Variants in CPAP observed in about 807,000 individuals in gnomAD.
The protein encoded by CPAP is centrosomal P4.1-associated protein.
At chr13:24,906,518 G>A in the CPAP span, 1 of 1,614,120 alleles carries the variant, frequency 6.2e-7, no homozygotes, top group South Asian at 1.1e-5. Context: ...GCAAGGTTTT[G>A]GACACTCAGT....
chr13:24,895,359 AG>A, the CPAP span, among the ~76,000 whole-genome samples: 2 of 152,148 alleles, frequency 1.3e-5, no homozygotes, highest in African/African-American at 4.8e-5. Flanking sequence ...GCGGATCACA[AG>A]GTCAGGAGAT....
the CPAP span, among the ~76,000 whole-genome samples, chr13:24,926,642 C>T: frequency 2.0e-5 from 3 of 152,092 alleles, no homozygotes; most frequent in Non-Finnish European, 4.4e-5. Flanking sequence ...ACAGAGGAGA[C>T]AGAGTTTCCC....
At chr13:24,912,487 G>T in the CPAP span, 1 of 1,074,910 alleles carries the variant, frequency 9.3e-7, no homozygotes, top group Non-Finnish European at 1.4e-6. Context: ...TCAGAGTGAA[G>T]GGGAAAAAAC....
the CPAP span, among the ~76,000 whole-genome samples, chr13:24,915,068 C>T: frequency 6.6e-6 from 1 of 151,314 alleles, no homozygotes; most frequent in Non-Finnish European, 1.5e-5. Flanking sequence ...GAGTGAGACT[C>T]TCTCTCAAAA....
At chr13:24,928,677 ACCTCGGC>A in the CPAP span, among the ~76,000 whole-genome samples, 1 of 152,100 alleles carries the variant, frequency 6.6e-6, no homozygotes, top group Admixed American at 6.5e-5. Context: ...TGATCTGCCC[ACCTCGGC>A]CTCCCAAAGT....
chr13:24,897,450 C>T, the CPAP span, among the ~76,000 whole-genome samples: 1 of 152,162 alleles, frequency 6.6e-6, no homozygotes, highest in African/African-American at 2.4e-5. Flanking sequence ...ACAGCAGGTA[C>T]TCAGTAGCCA....
At chr13:24,913,063 A>C in the CPAP span, 133 of 1,565,080 alleles carry the variant, frequency 8.5e-5, no homozygotes, top group Non-Finnish European at 1.0e-4. Flanking sequence ...AACAATGCAA[A>C]GGCTAGAAGA....
At chr13:24,932,490 C>T in the CPAP span, among the ~76,000 whole-genome samples, 1 of 152,102 alleles carries the variant, frequency 6.6e-6, no homozygotes, top group Non-Finnish European at 1.5e-5. Context: ...CCAAAAACAC[C>T]CAAATGCAGA....
chr13:24,924,945 C>T, the CPAP span: 1 of 152,206 alleles, frequency 6.6e-6, no homozygotes, highest in South Asian at 2.1e-4. Context: ...AAAAGAAAGA[C>T]TATGTATGAA....
chr13:24,893,874 G>C, the CPAP span, among the ~76,000 whole-genome samples: 1 of 152,168 alleles, frequency 6.6e-6, no homozygotes, highest in Non-Finnish European at 1.5e-5. Context: ...TAAGAACAAA[G>C]CTCCATCTCA....
At chr13:24,926,185 TG>T in the CPAP span, among the ~76,000 whole-genome samples, 1 of 152,200 alleles carries the variant, frequency 6.6e-6, no homozygotes, top group African/African-American at 2.4e-5. Flanking sequence ...GTGAAGAGAC[TG>T]TGCGGGAAGT....
the CPAP span, chr13:24,925,765 G>A: frequency 6.5e-6 from 1 of 152,690 alleles, no homozygotes; most frequent in African/African-American, 2.4e-5. Flanking sequence ...GAAGGCAGCT[G>A]TTTTCTGACC....
At chr13:24,910,334 G>A in the CPAP span, among the ~76,000 whole-genome samples, 3 of 152,090 alleles carry the variant, frequency 2.0e-5, no homozygotes, top group Admixed American at 6.5e-5. Context: ...AGTGATTCTC[G>A]TGCCTCAGCC....
chr13:24,933,653 T>C, the CPAP span: 1 of 152,682 alleles, frequency 6.5e-6, no homozygotes, highest in African/African-American at 2.4e-5. Context: ...GAATTGAACT[T>C]GTAGGCCTGG....
chr13:24,906,661 C>G, the CPAP span: 2 of 1,614,246 alleles, frequency 1.2e-6, no homozygotes, highest in Admixed American at 1.7e-5. Context: ...TACACTTCAG[C>G]ATTTTCGGCT....
chr13:24,888,198 T>C, the CPAP span, among the ~76,000 whole-genome samples: 1 of 151,922 alleles, frequency 6.6e-6, no homozygotes, highest in Admixed American at 6.6e-5. Context: ...ATTAAAGTCA[T>C]GAAAACCAAA....
chr13:24,920,617 TC>T, the CPAP span, among the ~76,000 whole-genome samples: 38 of 139,658 alleles, frequency 2.7e-4, no homozygotes, highest in Non-Finnish European at 1.7e-4. Context: ...CAAATATGAT[TC>T]CTTTTTTTTT....
At chr13:24,909,515 G>GA in the CPAP span, among the ~76,000 whole-genome samples, 1 of 149,990 alleles carries the variant, frequency 6.7e-6, no homozygotes, top group Non-Finnish European at 1.5e-5. Context: ...GTGACAGAGC[G>GA]AGACTGTCTC....
At chr13:24,900,590 C>T in the CPAP span, among the ~76,000 whole-genome samples, 4 of 152,022 alleles carry the variant, frequency 2.6e-5, no homozygotes, top group Admixed American at 1.3e-4. Flanking sequence ...TGCAGTGAGC[C>T]GAGATCGCAC....
Sources: allele counts gnomAD v4.1 joint callset (sites outside exome capture counted in the v4.1 genomes callset), GRCh38; gene constraint gnomAD v4.1.1; transcripts MANE v1.5; gene names NCBI Gene and HGNC (gene_info 2026-07-23, HGNC 2026-07-21).